Variants in CSMD2 observed in about 807,000 individuals in gnomAD.
CSMD2 encodes CUB and Sushi multiple domains 2.
CSMD2 carries 130 observed loss-of-function variants against 398.5 expected under a neutral mutation model. The ratio of observed to expected loss-of-function variants is 0.33; its 90% CI spans 0.28 to 0.38. The LOEUF is 0.38. Among genes scored for constraint, CSMD2 ranks in the 10% least tolerant of loss-of-function variants. CSMD2 has a pLI of 1.00. For synonymous variants in CSMD2, 1,828 were observed against 1,908.5 expected (o/e 0.96, Z 1.10); for missense variants, 3,829 against 4,764.9 (o/e 0.80, Z 5.78).
rs1199613837 is a variant in CSMD2, at chr1:33,898,575, C to T, written c.920+19519G>A. Among the ~76,000 whole-genome samples the T allele has an allele frequency of 3.3e-5, 5 of 152,250 alleles. No homozygotes were observed. In the East Asian group the frequency reaches 9.7e-4, roughly 29 times the overall value. ...TGATGGGGCTGGTTATTTCCAGACA[C>T]AGAATAATGAATCTTTTCCAGCCGG... On this transcript the variant is annotated intron_variant, in intron 5 of 70. Transcript: ENST00000373381.
At chr1:33,710,843 T>C (rs1467065525) in intron 21 of CSMD2, among the ~76,000 whole-genome samples, 1 of 152,320 alleles carries the variant, frequency 6.6e-6, no homozygotes, top group African/African-American at 2.4e-5. Context: ...TCATTAGTCC[T>C]TTGAAGATGG....
chr1:33,660,697 T>A (rs1346949965), intron 26 of CSMD2, among the ~76,000 whole-genome samples: 1 of 152,238 alleles, frequency 6.6e-6, no homozygotes, highest in African/African-American at 2.4e-5. Flanking sequence ...CATGCTACTC[T>A]GCCTAAGCAA....
chr1:34,124,757 G>T (rs1395411351), intron 1 of CSMD2, among the ~76,000 whole-genome samples: 1 of 152,128 alleles, frequency 6.6e-6, no homozygotes. Flanking sequence ...GACAAAATCA[G>T]CCACATAAAT....
chr1:33,572,718 G>A lies in CSMD2; in HGVS notation c.7577-27C>T, dbSNP rs776239721. On this transcript the variant is annotated intron_variant, in intron 49 of 70. Coordinates refer to ENST00000373381, the MANE Select transcript of CSMD2 (RefSeq NM_001281956.2). ...TAGCAAAAGGAAAACAATGTCATGA[G>A]CATTTGTTTTAAGATGGTATTCTGA... The A allele has an allele frequency of 1.0e-5, 16 of 1,566,772 alleles. No homozygotes were observed. In the African/African-American group the frequency reaches 1.5e-4, roughly 15 times the overall value.
At position 33,625,261 on chromosome 1, in the gene CSMD2, G is replaced by A. The variant is rs1570988800; in HGVS notation, c.5297-7C>T. 1 of 1,607,416 alleles carries A rather than the reference G, an allele frequency of 6.2e-7. No homozygotes were observed. Among genetic ancestry groups the A allele is most frequent in the African/African-American group, 1.3e-5 (1 of 74,748 alleles). ...GCGCTGGTTCGAGGAACCGCTGTGG[G>A]GGACAAGGGCACTGAGGGGAGGCCT... On this transcript the variant is annotated splice_polypyrimidine_tract_variant and splice_region_variant and intron_variant, in intron 33 of 70. Transcript: ENST00000373381.
intron 26 of CSMD2, among the ~76,000 whole-genome samples, chr1:33,662,395 G>A (rs2148999278): frequency 6.6e-6 from 1 of 151,786 alleles, no homozygotes; most frequent in East Asian, 2.0e-4. Flanking sequence ...CACTTCCAAA[G>A]CCCACATTCC....
Position 33,569,297 on chromosome 1 carries a change from T to C in CSMD2, c.8131+77A>G, listed in dbSNP as rs555935530. ...AGGTGAAATGATACTGTTTAAAGAC[T>C]GGATCTCAGCTTTGGAAAGATCTAA... On this transcript the variant is annotated intron_variant, in intron 52 of 70. Transcript: ENST00000373381. The C allele has an allele frequency of 2.1e-6, 3 of 1,432,426 alleles. No individual in the cohort carries two copies. In the East Asian group the frequency reaches 7.0e-5, roughly 33 times the overall value. 88.7% of individuals were successfully genotyped at this position (1,432,426 alleles called of 1,614,324 possible).
intron 19 of CSMD2, among the ~76,000 whole-genome samples, chr1:33,723,181 A>G (rs1167956535): frequency 6.6e-6 from 1 of 152,214 alleles, no homozygotes; most frequent in Non-Finnish European, 1.5e-5. Context: ...TAATATCCGG[A>G]AGGATTAATC....
chr1:34,134,578 T>C (rs1008817367), intron 1 of CSMD2, among the ~76,000 whole-genome samples: 1 of 152,174 alleles, frequency 6.6e-6, no homozygotes, highest in African/African-American at 2.4e-5. Flanking sequence ...CAAATTTAAG[T>C]GCATAAATAT....
intron 1 of CSMD2, chr1:34,113,126 C>T (rs1661256657): frequency 6.6e-6 from 1 of 152,210 alleles, no homozygotes; most frequent in East Asian, 1.9e-4. Flanking sequence ...GGCTGAGTCA[C>T]TCATGGCTCA....
At chr1:34,132,673 G>A (rs1317720812) in intron 1 of CSMD2, among the ~76,000 whole-genome samples, 2 of 152,198 alleles carry the variant, frequency 1.3e-5, no homozygotes, top group Non-Finnish European at 2.9e-5. Context: ...CCCGAAAGAA[G>A]AAATAGACAG....
At chr1:33,597,113 T>C (rs759993275) in intron 44 of CSMD2, among the ~76,000 whole-genome samples, 31 of 152,198 alleles carry the variant, frequency 2.0e-4, no homozygotes, top group Non-Finnish European at 4.3e-4. Flanking sequence ...TAACTTTTAA[T>C]GTTATAAAAT....
In CSMD2 at chr1:33,559,538, C is replaced by T. The variant is rs1658357206; in HGVS notation, c.8381-65G>A. 7 of 1,411,836 alleles carry T rather than the reference C, an allele frequency of 5.0e-6. No homozygotes were observed. The Middle Eastern group carries it at 5.2e-4, about 106-fold the overall frequency. The allele number at this position is 1,411,836 out of a possible 1,614,324, so 87.5% of individuals were successfully genotyped here. ...TCCACACCCCTCAGAATTTATCCACCTCTCACCTGGCATCTCTTAGGCCAT... is the reference window on the plus strand; with the variant it reads ...TCCACACCCCTCAGAATTTATCCACTTCTCACCTGGCATCTCTTAGGCCAT... On this transcript the variant is annotated intron_variant, in intron 53 of 70. Coordinates refer to ENST00000373381, the MANE Select transcript of CSMD2 (RefSeq NM_001281956.2). The surrounding 1 kb of genome is among the most constrained non-coding windows in gnomAD (Gnocchi z 4.0).
Position 33,635,372 on chromosome 1 carries a change from C to G in CSMD2, c.4970-42G>C. ...ATAGAGAGTCAGGTGACCTTGTGGGCCTCTTACCAGTGACCATCCTCTGTT... is the reference window on the plus strand; with the variant it reads ...ATAGAGAGTCAGGTGACCTTGTGGGGCTCTTACCAGTGACCATCCTCTGTT... On this transcript the variant is annotated intron_variant, in intron 30 of 70. Coordinates refer to ENST00000373381, the MANE Select transcript of CSMD2 (RefSeq NM_001281956.2). The surrounding 1 kb of genome is among the most constrained non-coding windows in gnomAD (Gnocchi z 5.0). 8.1e-7 allele frequency: 1 copy of G among 1,241,792 alleles called. No individual in the cohort carries two copies. Among genetic ancestry groups the G allele is most frequent in the South Asian group, 1.2e-5 (1 of 81,014 alleles). 76.9% of individuals were successfully genotyped at this position (1,241,792 alleles called of 1,614,324 possible). A position where few individuals can be genotyped will look rare whatever the true frequency, so the allele number is the denominator to read the frequency against.
chr1:34,114,376 G>C (rs1261056638), intron 1 of CSMD2, among the ~76,000 whole-genome samples: 1 of 149,756 alleles, frequency 6.7e-6, no homozygotes, highest in Non-Finnish European at 1.5e-5. Flanking sequence ...AAAAAAAAAC[G>C]AAAAACAAGG....
At position 33,979,418 on chromosome 1, in the gene CSMD2, C is replaced by T. The variant is rs184524569; in HGVS notation, c.518-43464G>A. On this transcript the variant is annotated intron_variant, in intron 3 of 70. Transcript: ENST00000373381. ...GCATTTCGGCTACCATCCAAAGCGT[C>T]GTCAACCTGCTGAGAAATAGCCCTG... 3.9e-4 allele frequency among the ~76,000 whole-genome samples: 60 copies of T among 152,282 alleles called. No individual in the cohort carries two copies. The East Asian group carries it at 0.01, about 26-fold the overall frequency.
chr1:33,667,739 G>A (rs535015549), intron 25 of CSMD2, among the ~76,000 whole-genome samples: 93 of 152,350 alleles, frequency 6.1e-4, no homozygotes, highest in African/African-American at 2.1e-3. Flanking sequence ...GCGGAGAGGA[G>A]TGCAGAAGAA....
intron 1 of CSMD2, among the ~76,000 whole-genome samples, chr1:34,124,192 T>TCATTCATCCATC (rs1553324005): frequency 6.6e-6 from 1 of 152,210 alleles, no homozygotes; most frequent in Non-Finnish European, 1.5e-5. Flanking sequence ...ATTCATTCAT[T>TCATTCATCCATC]CATTCATCCA....
chr1:34,112,742 C>T (rs367707300), intron 1 of CSMD2, among the ~76,000 whole-genome samples: 1 of 152,062 alleles, frequency 6.6e-6, no homozygotes, highest in Admixed American at 6.6e-5. Flanking sequence ...TAGTCCAATG[C>T]TAGAGATTTC....
Sources: gnomAD v4.1 joint callset for allele counts (sites outside exome capture counted in the v4.1 genomes callset) on GRCh38, gnomAD v4.1.1 for gene constraint, Gnocchi (gnomAD v3.1) non-coding constraint, MANE v1.5 for transcripts, NCBI Gene and HGNC (gene_info 2026-07-23, HGNC 2026-07-21) for gene names.